MAMLD1: variants seen among roughly 807,000 people sequenced by gnomAD.
MAMLD1 encodes the protein mastermind like domain containing 1.
In MAMLD1, 14 loss-of-function variants were observed where a neutral mutation model predicts 45.0. The observed-to-expected ratio is 0.31, with a 90% CI of 0.21 to 0.49. The LOEUF (loss-of-function observed/expected upper bound fraction) is 0.49. MAMLD1 is among the 20% of genes least tolerant of loss of function. The pLI is 0.99. For missense variants in MAMLD1, 543 were observed against 603.6 expected, an observed-to-expected ratio of 0.90 and a Z score of 1.05; for synonymous variants, 254 against 247.8, an observed-to-expected ratio of 1.02 and a Z score of -0.24.
Position 150,462,729 on chromosome X carries a change from G to A in MAMLD1, c.97-43G>A, listed in dbSNP as rs1557405677. Reference sequence around the variant, plus strand: ...CTGGTGCAGGTAATACTTTCTTTAAGAGTGTGTGCAAGTGGCTCTCCTCAG... The same window carrying A: ...CTGGTGCAGGTAATACTTTCTTTAAAAGTGTGTGCAAGTGGCTCTCCTCAG... On this transcript the variant is annotated intron_variant, in intron 2 of 7. Coordinates refer to ENST00000370401, the MANE Select transcript of MAMLD1 (RefSeq NM_005491.5). The A allele has an allele frequency of 6.4e-6, 6 of 931,429 alleles. No individual in the cohort carries two copies. The South Asian group carries it at 1.2e-4, about 18-fold the overall frequency. The allele number at this position is 931,429 out of a possible 1,213,427, so 76.8% of individuals were successfully genotyped here. A position where few individuals can be genotyped will look rare whatever the true frequency, so the allele number is the denominator to read the frequency against.
chrX:150,397,512 C>G (rs2033466157), intron 1 of MAMLD1, among the ~76,000 whole-genome samples: 1 of 111,276 alleles, frequency 9.0e-6, no homozygotes, highest in Non-Finnish European at 1.9e-5. Context: ...GTGTATTCCC[C>G]TTTCATGGTT....
rs1378251453 is a variant in MAMLD1, at chrX:150,383,137, C to T, written c.-64+19607C>T. 1.3e-4 allele frequency among the ~76,000 whole-genome samples: 4 copies of T among 31,070 alleles called. 2 individuals are homozygous for T. The African/African-American group carries it at 1.5e-3, about 11-fold the overall frequency. 27.0% of individuals were successfully genotyped at this position (31,070 alleles called of 115,157 possible). ...GCCAGGATGGTCTCGATCTCCTGAC[C>T]TCGTGATCCGCCCGCCTCGGCCTCC... is the stretch of plus-strand genomic sequence containing the variant. On this transcript the variant is annotated intron_variant, in intron 1 of 7. Transcript: ENST00000370401.
At chrX:150,490,199 G>C (rs1431556907) in intron 5 of MAMLD1, among the ~76,000 whole-genome samples, 4 of 112,158 alleles carry the variant, frequency 3.6e-5, no homozygotes, top group Admixed American at 1.9e-4. Context: ...TGGTAGTTGT[G>C]GGTGGGAAGG....
At chrX:150,415,773 AC>A (rs1404492563) in intron 1 of MAMLD1, among the ~76,000 whole-genome samples, 4 of 112,120 alleles carry the variant, frequency 3.6e-5, no homozygotes, top group Non-Finnish European at 7.5e-5. Flanking sequence ...GAATCCTTAA[AC>A]CCCAGAAATA....
At position 150,368,197 on chromosome X, in the gene MAMLD1, T is replaced by G. The variant is rs1165448371; in HGVS notation, c.-64+4667T>G. Among the ~76,000 whole-genome samples the G allele has an allele frequency of 9.0e-5, 10 of 111,293 alleles. No individual in the cohort carries two copies. The South Asian group carries it at 2.7e-3, about 30-fold the overall frequency. Reference sequence around the variant, plus strand: ...ACCAACAGTGTAAAAGTGTTCCTATTTCTCCACATCCTCTCCAGCACCTGT... The same window carrying G: ...ACCAACAGTGTAAAAGTGTTCCTATGTCTCCACATCCTCTCCAGCACCTGT... On this transcript the variant is annotated intron_variant, in intron 1 of 7. Transcript: ENST00000370401.
At chrX:150,423,832 G>T (rs948944311) in intron 1 of MAMLD1, among the ~76,000 whole-genome samples, 1 of 112,074 alleles carries the variant, frequency 8.9e-6, no homozygotes, top group East Asian at 2.8e-4. Context: ...TAAATCCAAG[G>T]TATCTTTGAA....
chrX:150,377,740 A>G (rs1371168857), intron 1 of MAMLD1, among the ~76,000 whole-genome samples: 4 of 110,339 alleles, frequency 3.6e-5, no homozygotes, highest in Non-Finnish European at 5.7e-5. Flanking sequence ...AGAATAATAC[A>G]AATAATGTTT....
chrX:150,434,422 T>G, intron 1 of MAMLD1, among the ~76,000 whole-genome samples: 1 of 111,499 alleles, frequency 9.0e-6, no homozygotes, highest in East Asian at 2.8e-4. Context: ...TGATTTTGGT[T>G]ATTTCTTGTC....
At chrX:150,425,636 C>A (rs2034677718) in intron 1 of MAMLD1, among the ~76,000 whole-genome samples, 1 of 111,977 alleles carries the variant, frequency 8.9e-6, no homozygotes, top group African/African-American at 3.2e-5. Flanking sequence ...TGAATCCACC[C>A]TGCAGATCCA....
At chrX:150,489,164 G>A (rs1234999237) in intron 5 of MAMLD1, among the ~76,000 whole-genome samples, 2 of 111,795 alleles carry the variant, frequency 1.8e-5, no homozygotes, top group East Asian at 2.8e-4. Flanking sequence ...GGGAGGGGTT[G>A]GGGCACTTCT....
chrX:150,502,762 C>A (rs782251221), intron 5 of MAMLD1, among the ~76,000 whole-genome samples: 7 of 96,201 alleles, frequency 7.3e-5, no homozygotes, highest in Admixed American at 6.5e-4. Context: ...GATTCCTCAG[C>A]GTGTTCACAC....
chrX:150,465,825 G>A (rs960182810), intron 3 of MAMLD1, among the ~76,000 whole-genome samples: 5 of 112,918 alleles, frequency 4.4e-5, no homozygotes, highest in Non-Finnish European at 7.5e-5. Context: ...CATCAAGACC[G>A]CAGAGACTGG....
intron 1 of MAMLD1, among the ~76,000 whole-genome samples, chrX:150,396,482 C>T (rs1460152859): frequency 9.0e-6 from 1 of 111,163 alleles, no homozygotes; most frequent in Admixed American, 9.6e-5. Flanking sequence ...TGAGTTTTGG[C>T]GTTTTCCCAT....
At position 150,470,573 on chromosome X, in the gene MAMLD1, C is replaced by G. The variant is rs782758541; in HGVS notation, c.1000C>G (p.Pro334Ala). 2 of 1,211,879 alleles carry G rather than the reference C, an allele frequency of 1.7e-6. No homozygotes were observed. The highest frequency in any genetic ancestry group is 4.3e-5 in the Admixed American group (2 of 46,077). The change falls in exon 4 of 8, where the codon CCA becomes GCA. Residue 334 changes from proline (P) to alanine (A), a missense_variant. By Grantham distance (27) the Pro-to-Ala change is conservative. Transcript: ENST00000370401. ...CCCCAGTTGGTCTGGTCTGCCTCCT[C>G]CAGGACTCTCTCCACCTTACCGCCC... is the stretch of plus-strand genomic sequence containing the variant. Reference protein sequence around the residue: ...PTPSWSGLPPPGLSPPYRPVP... With the variant: ...PTPSWSGLPPAGLSPPYRPVP...
chrX:150,486,741 A>T (rs1293692460), intron 5 of MAMLD1, among the ~76,000 whole-genome samples: 1 of 111,759 alleles, frequency 8.9e-6, no homozygotes, highest in Admixed American at 9.5e-5. Flanking sequence ...TTCATGTTTC[A>T]GGGACCACTG....
chrX:150,430,615 T>C (rs2034904017), intron 1 of MAMLD1, among the ~76,000 whole-genome samples: 1 of 111,925 alleles, frequency 8.9e-6, no homozygotes, highest in Non-Finnish European at 1.9e-5. Context: ...TATTTTAAAT[T>C]TAGCTCAATG....
intron 1 of MAMLD1, among the ~76,000 whole-genome samples, chrX:150,365,490 C>A (rs782535091): frequency 1.8e-5 from 2 of 113,218 alleles, no homozygotes; most frequent in South Asian, 3.5e-4. Context: ...CGCGACTCGC[C>A]GATGCGCTCG....
chrX:150,449,173 A>G (rs2035585430), intron 2 of MAMLD1, among the ~76,000 whole-genome samples: 1 of 111,394 alleles, frequency 9.0e-6, no homozygotes, highest in Admixed American at 9.5e-5. Flanking sequence ...ATGGATAAAG[A>G]GAATAAAGTC....
chrX:150,423,864 A>G (rs1292568290), intron 1 of MAMLD1, among the ~76,000 whole-genome samples: 1 of 112,595 alleles, frequency 8.9e-6, no homozygotes, highest in Non-Finnish European at 1.9e-5. Context: ...TATGATGTTT[A>G]TAGCATAGGA....
Sources: allele counts gnomAD v4.1 joint callset (sites outside exome capture counted in the v4.1 genomes callset), GRCh38; gene constraint gnomAD v4.1.1; transcripts MANE v1.5; gene names NCBI Gene and HGNC (gene_info 2026-07-23, HGNC 2026-07-21).